The following GRID2 variants were observed in gnomAD, a reference collection of about 807,000 sequenced individuals.
GRID2 encodes glutamate ionotropic receptor delta type subunit 2, also known as glutamate receptor ionotropic, delta-2.
Under a neutral mutation model 114.8 loss-of-function variants are expected in GRID2, and 33 were observed. That is an observed-to-expected ratio of 0.29 (90% CI 0.22 to 0.38). GRID2 has a LOEUF of 0.38. Ranked by LOEUF, GRID2 falls within the 10% of genes least tolerant of loss-of-function variation. The pLI, the probability that GRID2 is intolerant of heterozygous loss-of-function variation, is 1.00. For missense variants in GRID2, 1,184 were observed against 1,257.7 expected (o/e 0.94, Z 0.89); for synonymous variants, 505 against 449.9 (o/e 1.12, Z -1.55).
chr4:92,471,994 C>T (rs1401431553), intron 1 of GRID2, among the ~76,000 whole-genome samples: 1 of 48,808 alleles, frequency 2.0e-5, no homozygotes, highest in African/African-American at 1.2e-4. Context: ...AGTGCAGTGG[C>T]GGGATCTCGG....
chr4:93,449,472 A>G (rs1722473890), intron 10 of GRID2, among the ~76,000 whole-genome samples: 1 of 152,122 alleles, frequency 6.6e-6, no homozygotes, highest in African/African-American at 2.4e-5. Context: ...AGATTAAATT[A>G]CAGAATGGAT....
chr4:93,703,868 C>G (rs185130098), intron 14 of GRID2, among the ~76,000 whole-genome samples: 2,362 of 152,048 alleles, frequency 0.016, 28 homozygotes, highest in Non-Finnish European at 0.022. Context: ...GTGTATATGT[C>G]CCACATTTTC....
At chr4:93,183,048 T>A (rs1740047807) in intron 4 of GRID2, among the ~76,000 whole-genome samples, 1 of 152,242 alleles carries the variant, frequency 6.6e-6, no homozygotes, top group Admixed American at 6.5e-5. Flanking sequence ...GGTTCTTTTA[T>A]TCATCAACTG....
intron 2 of GRID2, among the ~76,000 whole-genome samples, chr4:92,771,306 T>A (rs940735705): frequency 1.3e-5 from 2 of 152,250 alleles, no homozygotes; most frequent in African/African-American, 4.8e-5. Context: ...TGATCTGTGC[T>A]GCTGTATCAC....
intron 2 of GRID2, among the ~76,000 whole-genome samples, chr4:92,910,974 T>C (rs1444408477): frequency 6.6e-6 from 1 of 152,112 alleles, no homozygotes; most frequent in Admixed American, 6.6e-5. Context: ...GAATATTTGT[T>C]ATACTAGTTT....
At chr4:93,434,353 G>A (rs1720861231) in intron 10 of GRID2, among the ~76,000 whole-genome samples, 1 of 152,072 alleles carries the variant, frequency 6.6e-6, no homozygotes, top group Admixed American at 6.6e-5. Context: ...TAATGTAAAT[G>A]TCGAGTTAAT....
chr4:93,490,550 C>G lies in GRID2; in HGVS notation c.1859-89C>G, dbSNP rs183959215. On this transcript the variant is annotated intron_variant, in intron 11 of 15. Coordinates refer to ENST00000282020, the MANE Select transcript of GRID2 (RefSeq NM_001510.4). ...AAGCAGAAAAAATTCTCACTACTTG[C>G]AAGTTAATTTGGTGTTGAATATAGA... is the stretch of plus-strand genomic sequence containing the variant. 114 of 919,102 alleles carry G rather than the reference C, an allele frequency of 1.2e-4. 1 individual carries two copies. The Admixed American group carries it at 1.5e-3, about 12-fold the overall frequency. 56.9% of individuals were successfully genotyped at this position (919,102 alleles called of 1,614,324 possible).
At chr4:92,524,425 T>G in intron 1 of GRID2, among the ~76,000 whole-genome samples, 1 of 136,622 alleles carries the variant, frequency 7.3e-6, no homozygotes, top group South Asian at 2.4e-4. Context: ...TTTTTTTTTT[T>G]TTTTTGTTTA....
At chr4:92,507,329 T>C (rs890750593) in intron 1 of GRID2, among the ~76,000 whole-genome samples, 1 of 151,744 alleles carries the variant, frequency 6.6e-6, no homozygotes, top group African/African-American at 2.4e-5. Context: ...CCTGAAAAAA[T>C]CTCAAACTCA....
intron 11 of GRID2, among the ~76,000 whole-genome samples, chr4:93,468,624 G>A (rs529564808): frequency 3.3e-5 from 5 of 152,100 alleles, no homozygotes; most frequent in Non-Finnish European, 7.4e-5. Flanking sequence ...TGAAGAGGCC[G>A]GAAGCATAGT....
intron 2 of GRID2, among the ~76,000 whole-genome samples, chr4:92,773,015 A>G (rs1338456710): frequency 6.6e-6 from 1 of 152,214 alleles, no homozygotes; most frequent in African/African-American, 2.4e-5. Context: ...TTAGTTCAGC[A>G]CAATGGAAAT....
In GRID2 at chr4:93,716,044, A is replaced by AGTATCATATT. The variant is rs536949875; in HGVS notation, c.2361-53164_2361-53155dup. Among the ~76,000 whole-genome samples the AGTATCATATT allele has an allele frequency of 5.3e-5, 8 of 152,290 alleles. 1 individual carries two copies. In the South Asian group the frequency reaches 1.7e-3, roughly 32 times the overall value. ...GAATGCTTCCAGCTTTTGCCCATTC[A>AGTATCATATT]GTATCATATTGATACTTTGCCATCT... On this transcript the variant is annotated intron_variant, in intron 14 of 15. Coordinates refer to ENST00000282020, the MANE Select transcript of GRID2 (RefSeq NM_001510.4).
chr4:92,395,634 ACTAT>A (rs1730457615), intron 1 of GRID2, among the ~76,000 whole-genome samples: 1 of 151,816 alleles, frequency 6.6e-6, no homozygotes, highest in South Asian at 2.1e-4. Context: ...AGCTGTTGGC[ACTAT>A]CTATCTATGT....
chr4:92,480,877 C>T (rs1722555435), intron 1 of GRID2, among the ~76,000 whole-genome samples: 1 of 152,100 alleles, frequency 6.6e-6, no homozygotes, highest in Non-Finnish European at 1.5e-5. Flanking sequence ...ATTAGAGCTC[C>T]CTTGCTCACT....
chr4:92,327,027 A>G (rs1726633979), intron 1 of GRID2, among the ~76,000 whole-genome samples: 1 of 151,926 alleles, frequency 6.6e-6, no homozygotes, highest in African/African-American at 2.4e-5. Context: ...ACATTGCCAC[A>G]TTGTAGTGTT....
chr4:92,566,783 C>T (rs1227295132), intron 1 of GRID2, among the ~76,000 whole-genome samples: 2 of 152,018 alleles, frequency 1.3e-5, no homozygotes, highest in African/African-American at 2.4e-5. Flanking sequence ...AAAGATGATA[C>T]ATTTTCAGGC....
chr4:93,809,981 T>C (rs1229226700), exon 2 of GRID2: 1 of 152,296 alleles, frequency 6.6e-6, no homozygotes, highest in Non-Finnish European at 1.5e-5. Context: ...GAAGAAAAGC[T>C]GTTGCTGAAA....
rs148903099 is a variant in GRID2, at chr4:92,470,312, C to T, written c.89-119819C>T. Among the ~76,000 whole-genome samples the T allele has an allele frequency of 5.9e-5, 9 of 151,504 alleles. No individual in the cohort carries two copies. The East Asian group carries it at 1.4e-3, about 23-fold the overall frequency. ...ATCATCATTAAAAACTTCCAAAGGG[C>T]GTAAAACATATAATATTGGCAGAGA... On this transcript the variant is annotated intron_variant, in intron 1 of 15. Coordinates refer to ENST00000282020, the MANE Select transcript of GRID2 (RefSeq NM_001510.4).
chr4:93,803,249 A>C (rs1734966469), intron 1 of GRID2, among the ~76,000 whole-genome samples: 1 of 152,246 alleles, frequency 6.6e-6, no homozygotes. Context: ...TGATACTGTG[A>C]CATGTCAGTA....
Sources: allele counts gnomAD v4.1 joint callset (sites outside exome capture counted in the v4.1 genomes callset), GRCh38; gene constraint gnomAD v4.1.1; transcripts MANE v1.5; gene names NCBI Gene and HGNC (gene_info 2026-07-23, HGNC 2026-07-21).